GLYR1: variants seen among roughly 807,000 people sequenced by gnomAD.
GLYR1 encodes the protein cytokine-like nuclear factor N-PAC.
Under a neutral mutation model 72.7 loss-of-function variants are expected in GLYR1, and 21 were observed. The ratio of observed to expected loss-of-function variants is 0.29; its 90% CI spans 0.20 to 0.42. The LOEUF (loss-of-function observed/expected upper bound fraction) is 0.42, where lower values mean the gene tolerates loss of function less well. Among genes scored for constraint, GLYR1 ranks in the 10% least tolerant of loss-of-function variants. The pLI is 1.00. For missense variants in GLYR1, 594 were observed against 712.1 expected, an observed-to-expected ratio of 0.83 and a Z score of 1.89; for synonymous variants, 392 against 270.2, an observed-to-expected ratio of 1.45 and a Z score of -4.42.
At chr16:4,808,235 CA>C (rs57992836) in intron 15 of GLYR1, among the ~76,000 whole-genome samples, 11,326 of 81,390 alleles carry the variant, frequency 0.14, 383 homozygotes, top group East Asian at 0.32. Context: ...GACTCTGTCT[CA>C]AAAAAAAAAA....
chr16:4,821,651 T>A (rs115778567), intron 7 of GLYR1, 54 bp from the exon 8 acceptor site: 1 of 1,518,660 alleles, frequency 6.6e-7, no homozygotes, highest in Admixed American at 1.7e-5. Flanking sequence ...TTAACCAGTC[T>A]TCATAATAAT....
chr16:4,842,724 G>C (rs979438419), intron 3 of GLYR1, among the ~76,000 whole-genome samples: 3 of 152,012 alleles, frequency 2.0e-5, no homozygotes, highest in Non-Finnish European at 2.9e-5. Context: ...TTTTGAGACA[G>C]AGTCTCGCTC....
In GLYR1 at chr16:4,844,256, A is replaced by G. The variant is rs551573081; in HGVS notation, c.155+818T>C. Among the ~76,000 whole-genome samples, 5 of 152,354 alleles carry G rather than the reference A, an allele frequency of 3.3e-5. No homozygotes were observed. In the East Asian group the frequency reaches 9.6e-4, roughly 29 times the overall value. Reference sequence around the variant, plus strand: ...TCTTCCCGTCACTGTAACATGTTATATGGTCAGAGTCTCAGATTAATGGTC... The same window carrying G: ...TCTTCCCGTCACTGTAACATGTTATGTGGTCAGAGTCTCAGATTAATGGTC... On this transcript the variant is annotated intron_variant, in intron 3 of 15. Coordinates refer to ENST00000321919, the MANE Select transcript of GLYR1 (RefSeq NM_032569.4).
intron 3 of GLYR1, among the ~76,000 whole-genome samples, chr16:4,841,954 A>G (rs1189447877): frequency 1.3e-5 from 2 of 152,164 alleles, no homozygotes; most frequent in East Asian, 1.9e-4. Context: ...TTCAAATCCC[A>G]TCTCTGGCTG....
At chr16:4,846,384 T>C (rs1048765013) in intron 1 of GLYR1, among the ~76,000 whole-genome samples, 174 bp from the exon 2 acceptor site, 1 of 152,218 alleles carries the variant, frequency 6.6e-6, no homozygotes, top group Non-Finnish European at 1.5e-5. Flanking sequence ...AATTGTATAC[T>C]TATGTGCACA....
At chr16:4,832,327 C>A (rs1441687285) in intron 4 of GLYR1, 106 bp from the exon 5 acceptor site, 2 of 1,345,060 alleles carry the variant, frequency 1.5e-6, no homozygotes, top group Non-Finnish European at 2.1e-6. Flanking sequence ...TGTGTGGTCT[C>A]CTCACAATGA....
chr16:4,837,749 C>G (rs1463462285), intron 3 of GLYR1, among the ~76,000 whole-genome samples: 1 of 151,766 alleles, frequency 6.6e-6, no homozygotes, highest in Admixed American at 6.6e-5. Flanking sequence ...CTGGCCAACA[C>G]GGTGAAACCC....
chr16:4,812,869 T>C (rs549089983), intron 12 of GLYR1, among the ~76,000 whole-genome samples: 2 of 151,564 alleles, frequency 1.3e-5, no homozygotes, highest in South Asian at 4.2e-4. Flanking sequence ...CAATCTCAGC[T>C]CACTGCAAAC....
intron 10 of GLYR1, 57 bp downstream of exon 10, chr16:4,817,541 C>G: frequency 9.5e-7 from 1 of 1,047,840 alleles, no homozygotes; most frequent in Non-Finnish European, 1.5e-6. Flanking sequence ...GAGATGTCCA[C>G]TCTTAGGGTT....
Position 4,825,776 on chromosome 16 carries a change from T to C in GLYR1, c.538-1869A>G, listed in dbSNP as rs1023770480. Among the ~76,000 whole-genome samples, 5 of 152,052 alleles carry C rather than the reference T, an allele frequency of 3.3e-5. No homozygotes were observed. In the South Asian group the frequency reaches 6.2e-4, roughly 19 times the overall value. On this transcript the variant is annotated intron_variant, in intron 5 of 15. Coordinates refer to ENST00000321919, the MANE Select transcript of GLYR1 (RefSeq NM_032569.4). ...CAGCGATTCTCCTGCCTCAGCCTCC[T>C]GAGTAGCTGGGACCACAGGCGCGCG...
In GLYR1 at chr16:4,843,881, G is replaced by A. The variant is rs576057192; in HGVS notation, c.155+1193C>T. 1.7e-3 allele frequency: 335 copies of A among 202,014 alleles called. 3 individuals are homozygous for A. Among genetic ancestry groups the A allele is most frequent in the African/African-American group, 7.8e-3 (319 of 41,044 alleles). The allele number at this position is 202,014 out of a possible 1,614,324, so 12.5% of individuals were successfully genotyped here. On this transcript the variant is annotated intron_variant, in intron 3 of 15. Transcript: ENST00000321919. ...GAGGCTGAGGGGGTTGGGGGGGGGA[G>A]GGGCAGATGACTTGAGGTCAGGAGT...
At chr16:4,826,309 T>A (rs1477506315) in intron 5 of GLYR1, among the ~76,000 whole-genome samples, 1 of 152,238 alleles carries the variant, frequency 6.6e-6, no homozygotes, top group Non-Finnish European at 1.5e-5. Flanking sequence ...TCTTGCTATG[T>A]TGGCCAGACT....
chr16:4,817,749 G>T lies in GLYR1; in HGVS notation c.807-52C>A, dbSNP rs776823635. The T allele has an allele frequency of 9.9e-6, 11 of 1,106,004 alleles. 1 individual carries two copies. Among genetic ancestry groups the T allele is most frequent in the Non-Finnish European group, 1.5e-5 (11 of 717,426 alleles). 68.5% of individuals were successfully genotyped at this position (1,106,004 alleles called of 1,614,324 possible). A position where few individuals can be genotyped will look rare whatever the true frequency, so the allele number is the denominator to read the frequency against. On this transcript the variant is annotated intron_variant, in intron 9 of 15. Transcript: ENST00000321919. ...CAGGGTGGAAAGGGAGGGTCACGGT[G>T]ATGATGATTCCATGCAGCACAAGGC... is the stretch of plus-strand genomic sequence containing the variant.
intron 3 of GLYR1, among the ~76,000 whole-genome samples, chr16:4,841,336 C>A (rs1399046261): frequency 1.3e-5 from 2 of 151,310 alleles, no homozygotes; most frequent in East Asian, 3.9e-4. Context: ...AAAAAAAAAT[C>A]GGGGCTCGGC....
intron 9 of GLYR1, 194 bp downstream of exon 9, chr16:4,821,186 G>A (rs1366570357): frequency 9.5e-6 from 6 of 630,404 alleles, no homozygotes; most frequent in Non-Finnish European, 1.7e-5. Context: ...TTATGCCCAA[G>A]GGAGACCCGA....
At chr16:4,812,424 C>T (rs741692) in intron 12 of GLYR1, among the ~76,000 whole-genome samples, 176 bp from the exon 13 acceptor site, 17,892 of 152,138 alleles carry the variant, frequency 0.12, 1,329 homozygotes, top group South Asian at 0.24. Flanking sequence ...TAACCATGTG[C>T]AGGTCACACA....
At chr16:4,817,321 G>A (rs942382396) in intron 10 of GLYR1, among the ~76,000 whole-genome samples, 6 of 151,780 alleles carry the variant, frequency 4.0e-5, no homozygotes, top group African/African-American at 9.7e-5. Context: ...GGGTTTCACC[G>A]TGTTAGCCAG....
chr16:4,814,982 ACT>A (rs926369853), intron 10 of GLYR1, among the ~76,000 whole-genome samples: 1 of 151,690 alleles, frequency 6.6e-6, no homozygotes, highest in African/African-American at 2.4e-5. Context: ...AGCTATCAAC[ACT>A]CTGCTGGGAA....
chr16:4,835,057 T>C (rs553936541), intron 3 of GLYR1, among the ~76,000 whole-genome samples: 2 of 152,242 alleles, frequency 1.3e-5, no homozygotes, highest in Admixed American at 6.5e-5. Flanking sequence ...CAGCCAGTTC[T>C]TCCTAGGAGC....
Sources: allele counts gnomAD v4.1 joint callset (sites outside exome capture counted in the v4.1 genomes callset), GRCh38; gene constraint gnomAD v4.1.1; transcripts MANE v1.5; gene names NCBI Gene and HGNC (gene_info 2026-07-23, HGNC 2026-07-21).